The following GP6 variants were observed in gnomAD, a reference collection of about 807,000 sequenced individuals.
GP6 encodes glycoprotein VI platelet.
Under a neutral mutation model 37.3 loss-of-function variants are expected in GP6, and 45 were observed. The observed-to-expected ratio is 1.21, with a 90% CI of 0.95 to 1.55. The LOEUF (loss-of-function observed/expected upper bound fraction) is 1.55. GP6 is among the 40% of genes most tolerant of loss of function. The probability of loss-of-function intolerance (pLI) is 0.00; values close to 1 mark genes in which losing one functional copy is unlikely to be tolerated. For missense variants in GP6, 813 were observed against 760.2 expected, an observed-to-expected ratio of 1.07 and a Z score of -0.82; for synonymous variants, 340 against 316.4, an observed-to-expected ratio of 1.07 and a Z score of -0.79.
chr19:55,033,163 G>A (rs74537529), intron 1 of GP6, among the ~76,000 whole-genome samples: 5 of 145,380 alleles, frequency 3.4e-5, no homozygotes, highest in South Asian at 2.2e-4. Context: ...CGTGTTAGAC[G>A]CGGTGGGTTC....
intron 3 of GP6, 127 bp from the exon 4 acceptor site, chr19:55,027,989 C>T (rs2074378350): frequency 1.1e-6 from 1 of 897,210 alleles, no homozygotes; most frequent in South Asian, 1.3e-5. Context: ...GAGCGCACTC[C>T]CCCACCCAAG....
intron 1 of GP6, among the ~76,000 whole-genome samples, chr19:55,034,557 A>G (rs1401283934): frequency 6.6e-6 from 1 of 151,344 alleles, no homozygotes; most frequent in Non-Finnish European, 1.5e-5. Context: ...CTCCATCTCG[A>G]GGAAAAAAAA....
intron 3 of GP6, among the ~76,000 whole-genome samples, chr19:55,031,349 T>C (rs1339835806): frequency 1.3e-5 from 2 of 152,176 alleles, no homozygotes; most frequent in African/African-American, 4.8e-5. Flanking sequence ...GGCAGGAGGA[T>C]TGCTCAAGGC....
At chr19:55,035,321 T>C (rs1162725484) in intron 1 of GP6, among the ~76,000 whole-genome samples, 1 of 152,132 alleles carries the variant, frequency 6.6e-6, no homozygotes, top group East Asian at 1.9e-4. Flanking sequence ...GAGGACAGTT[T>C]CAGTTGGACA....
At chr19:55,030,084 A>G (rs188825458) in intron 3 of GP6, among the ~76,000 whole-genome samples, 3 of 152,322 alleles carry the variant, frequency 2.0e-5, no homozygotes, top group East Asian at 3.9e-4. Context: ...AACTCACATT[A>G]TTCTGTTTGA....
chr19:55,027,450 C>T (rs1184998643), intron 4 of GP6, 128 bp downstream of exon 4: 18 of 587,618 alleles, frequency 3.1e-5, no homozygotes, highest in South Asian at 5.5e-5. Flanking sequence ...TTCCCACCTA[C>T]GGCCCCGCCC....
intron 1 of GP6, chr19:55,032,948 TGTTAGACACGGTGGACTCGTTC>T (rs2146883159): frequency 3.7e-6 from 1 of 269,890 alleles, no homozygotes; most frequent in Non-Finnish European, 7.1e-6. Context: ...GGCTCGTTCG[TGTTAGACACGGTGGACTCGTTC>T]GTGTTGTGTT....
intron 3 of GP6, among the ~76,000 whole-genome samples, chr19:55,029,358 ATATATATATATATATATTTTTTTTTTTT>A (rs2074464080): frequency 3.8e-4 from 1 of 2,632 alleles, no homozygotes; most frequent in Non-Finnish European, 6.2e-4. Context: ...ATATATATAT[ATATATATATATATATATTTTTTTTTTTT>A]TTTTTTTTTT....
chr19:55,034,150 ATGTGTGTGTGTG>A (rs61435060), intron 1 of GP6, among the ~76,000 whole-genome samples: 11 of 149,262 alleles, frequency 7.4e-5, no homozygotes, highest in Non-Finnish European at 1.0e-4. Flanking sequence ...ATATGTATGC[ATGTGTGTGTGTG>A]TGTGTGTGTG....
At position 55,014,820 on chromosome 19, in the gene GP6, C is replaced by A. The variant is rs774398889; in HGVS notation, c.1125G>T (p.Arg375Ser). The A allele has an allele frequency of 3.7e-6, 6 of 1,613,904 alleles. No individual in the cohort carries two copies. The African/African-American group carries it at 8.0e-5, about 22-fold the overall frequency. Residue 375 changes from arginine to serine, a missense_variant, in exon 8 of 8, where the codon AGG becomes AGT. By Grantham distance (110) the Arg-to-Ser change is moderately radical. Transcript: ENST00000310373. ...CATGGCCTCGTTTCCACAGCTGTAG[C>A]CTCTGCCCTCCTGCTTCCACGCTCC... is the stretch of plus-strand genomic sequence containing the variant.
At chr19:55,015,798 A>G (rs2073853184) in intron 6 of GP6, 65 bp from the exon 7 acceptor site, 3 of 841,568 alleles carry the variant, frequency 3.6e-6, no homozygotes, top group Non-Finnish European at 4.2e-6. Flanking sequence ...CACTGTGCCT[A>G]CTCCGAACAC....
At chr19:55,024,371 C>G (rs1440149141) in intron 5 of GP6, among the ~76,000 whole-genome samples, 1 of 151,588 alleles carries the variant, frequency 6.6e-6, no homozygotes, top group Non-Finnish European at 1.5e-5. Context: ...CATATGCACG[C>G]ACACAGTATG....
At chr19:55,032,956 A>AGGGTTCGTTCGTGTTAGACG (rs1568641009) in intron 1 of GP6, 1 of 83,260 alleles carries the variant, frequency 1.2e-5, no homozygotes, top group Non-Finnish European at 2.2e-5. Context: ...CGTGTTAGAC[A>AGGGTTCGTTCGTGTTAGACG]CGGTGGACTC....
intron 4 of GP6, among the ~76,000 whole-genome samples, chr19:55,026,178 A>G (rs1267991366): frequency 6.6e-6 from 1 of 152,200 alleles, no homozygotes; most frequent in Non-Finnish European, 1.5e-5. Flanking sequence ...AGATTTTTCT[A>G]CCAAAAACTA....
Position 55,027,805 on chromosome 19 carries a change from C to T in GP6, c.383G>A (p.Gly128Glu). 1 of 1,614,058 alleles carries T rather than the reference C, an allele frequency of 6.2e-7. No individual in the cohort carries two copies. The highest frequency in any genetic ancestry group is 8.5e-7 in the Non-Finnish European group (1 of 1,179,918). The stretch of plus-strand genomic sequence containing the variant: ...AGTCTGACACTGTAGGGTTACGTCC[C>T]CTCCTGACGACACCGCCGGGCCGGG... Residue 128 changes from glycine to glutamate, a missense_variant, in exon 4 of 8, where the codon GGG (glycine) becomes GAG (glutamate). Gly to Glu is a moderately conservative substitution (Grantham distance 98). Coordinates refer to ENST00000310373, the MANE Select transcript of GP6 (RefSeq NM_001083899.2).
intron 5 of GP6, among the ~76,000 whole-genome samples, chr19:55,023,426 T>C (rs542486123): frequency 4.2e-4 from 64 of 152,088 alleles, no homozygotes; most frequent in Admixed American, 1.0e-3. Flanking sequence ...ATCATAGGGG[T>C]GGATCCCTCA....
intron 6 of GP6, among the ~76,000 whole-genome samples, chr19:55,017,463 G>A (rs1340210424): frequency 2.6e-5 from 4 of 152,074 alleles, no homozygotes; most frequent in Non-Finnish European, 5.9e-5. Context: ...GAGAGCAGAG[G>A]AAACCATCGA....
intron 1 of GP6, among the ~76,000 whole-genome samples, chr19:55,033,865 G>A (rs996126808): frequency 3.9e-5 from 6 of 152,094 alleles, no homozygotes; most frequent in South Asian, 2.1e-4. Context: ...TGGGTTTCCC[G>A]GTATTTACAA....
intron 4 of GP6, among the ~76,000 whole-genome samples, chr19:55,025,581 C>T (rs1362279051): frequency 2.0e-5 from 3 of 152,090 alleles, no homozygotes; most frequent in East Asian, 3.9e-4. Flanking sequence ...TGGTGTGCAC[C>T]TGTAATCCCA....
Sources: allele counts gnomAD v4.1 joint callset (sites outside exome capture counted in the v4.1 genomes callset), GRCh38; gene constraint gnomAD v4.1.1; transcripts MANE v1.5; gene names NCBI Gene and HGNC (gene_info 2026-07-23, HGNC 2026-07-21).